The following FMN1 variants were observed in gnomAD, a reference collection of about 807,000 sequenced individuals.
The protein encoded by FMN1 is formin 1.
A neutral mutation model predicts 132.4 loss-of-function variants in FMN1; 110 were observed. The observed-to-expected ratio is 0.83, with a 90% confidence interval of 0.71 to 0.97. FMN1 has a LOEUF of 0.97. FMN1 is among the 50% of genes least tolerant of loss of function. The probability of loss-of-function intolerance (pLI) is 0.00; values close to 1 mark genes in which losing one functional copy is unlikely to be tolerated. For missense variants in FMN1, 1,792 were observed against 1,705.3 expected (o/e 1.05, Z -0.90); for synonymous variants, 722 against 651.7 (o/e 1.11, Z -1.64).
chr15:33,018,947 G>C lies in FMN1; in HGVS notation c.2162-10872C>G, dbSNP rs1053814895. 3.9e-5 allele frequency among the ~76,000 whole-genome samples: 6 copies of C among 152,306 alleles called. No individual in the cohort carries two copies. The East Asian group carries it at 1.2e-3, about 29-fold the overall frequency. On this transcript the variant is annotated intron_variant, in intron 6 of 20. Coordinates refer to ENST00000616417, the MANE Select transcript of FMN1 (RefSeq NM_001277313.2). ...GCAGACCTTCCTGGTGAGTGTTACA[G>C]CTCATAAAGACAATGTGGGCCCAAA...
intron 4 of FMN1, among the ~76,000 whole-genome samples, chr15:33,105,109 G>A (rs1258369224): frequency 1.3e-5 from 2 of 152,040 alleles, no homozygotes; most frequent in African/African-American, 4.8e-5. Flanking sequence ...AAGAGGGAAT[G>A]AGCAACCAAA....
At chr15:33,082,914 G>A (rs1327754338) in intron 5 of FMN1, among the ~76,000 whole-genome samples, 1 of 152,106 alleles carries the variant, frequency 6.6e-6, no homozygotes, top group African/African-American at 2.4e-5. Flanking sequence ...ATATAGGCAT[G>A]TCCCATACAA....
At chr15:33,012,868 A>C (rs2034810389) in intron 6 of FMN1, 4 of 596,688 alleles carry the variant, frequency 6.7e-6, no homozygotes, top group Non-Finnish European at 9.6e-6. Flanking sequence ...TAATGATGGG[A>C]GCAACACTGG....
intron 17 of FMN1, among the ~76,000 whole-genome samples, chr15:32,823,167 T>TGTTTTG (rs1209103561): frequency 4.4e-5 from 3 of 68,820 alleles, no homozygotes; most frequent in Admixed American, 1.4e-4. Context: ...TTTTTTTTTT[T>TGTTTTG]TTTTTTTTTT....
intron 12 of FMN1, among the ~76,000 whole-genome samples, chr15:32,906,402 GT>G (rs2060425704): frequency 6.6e-6 from 1 of 152,228 alleles, no homozygotes; most frequent in Non-Finnish European, 1.5e-5. Context: ...TAAGTAAAAT[GT>G]CATTGGGGCA....
Position 33,053,674 on chromosome 15 carries a change from T to TC in FMN1, c.2161+11282_2161+11283insG, listed in dbSNP as rs1555389993. ...ATTTCCTGGAAAAGACTCACAGACC[T>TC]AAAAAAAAAATGCTGTCTGTATTGT... On this transcript the variant is annotated intron_variant, in intron 6 of 20. Coordinates refer to ENST00000616417, the MANE Select transcript of FMN1 (RefSeq NM_001277313.2). 2.8e-3 allele frequency among the ~76,000 whole-genome samples: 427 copies of TC among 150,064 alleles called. 1 individual carries two copies. The highest frequency in any genetic ancestry group is 7.4e-3 in the African/African-American group (304 of 40,892).
At chr15:33,119,154 T>C (rs868327174) in intron 4 of FMN1, among the ~76,000 whole-genome samples, 2 of 152,190 alleles carry the variant, frequency 1.3e-5, no homozygotes, top group Non-Finnish European at 1.5e-5. Flanking sequence ...GAAACTTCTA[T>C]TCTGATGATC....
At chr15:33,101,072 T>C (rs1383933709) in intron 4 of FMN1, among the ~76,000 whole-genome samples, 2 of 152,082 alleles carry the variant, frequency 1.3e-5, no homozygotes, top group African/African-American at 4.8e-5. Context: ...TAAATTTCAT[T>C]TAGAAAATGA....
intron 5 of FMN1, among the ~76,000 whole-genome samples, chr15:33,076,368 G>A (rs1032195598): frequency 1.3e-5 from 2 of 152,074 alleles, no homozygotes; most frequent in Non-Finnish European, 1.5e-5. Flanking sequence ...GCAGTAAAGC[G>A]AGGCACTTCA....
At chr15:33,130,581 T>C (rs1963498840) in intron 4 of FMN1, among the ~76,000 whole-genome samples, 1 of 152,208 alleles carries the variant, frequency 6.6e-6, no homozygotes, top group Admixed American at 6.5e-5. Flanking sequence ...AATGCTGTGA[T>C]ATAAGGCAAT....
intron 5 of FMN1, among the ~76,000 whole-genome samples, chr15:33,070,488 C>A (rs1411340577): frequency 6.7e-6 from 1 of 150,222 alleles, no homozygotes; most frequent in Non-Finnish European, 1.5e-5. Flanking sequence ...TAGATTTGGG[C>A]AAAATGGAAC....
At chr15:33,065,309 A>AT (rs1480524029) in intron 5 of FMN1, among the ~76,000 whole-genome samples, 2 of 152,220 alleles carry the variant, frequency 1.3e-5, no homozygotes, top group Non-Finnish European at 2.9e-5. Flanking sequence ...GGCTAAGTAT[A>AT]TATCACACAA....
intron 9 of FMN1, 88 bp from the exon 10 acceptor site, chr15:32,926,349 AGATACACTGATT>A (rs2140353938): frequency 2.9e-6 from 2 of 680,786 alleles, no homozygotes; most frequent in African/African-American, 3.7e-5. Context: ...AAATTTTTTT[AGATACACTGATT>A]GATGAACTAA....
At chr15:33,087,826 T>C (rs1408548464) in intron 5 of FMN1, among the ~76,000 whole-genome samples, 1 of 152,016 alleles carries the variant, frequency 6.6e-6, no homozygotes. Context: ...TATATATACA[T>C]ATATACATAT....
intron 17 of FMN1, among the ~76,000 whole-genome samples, chr15:32,823,193 G>T: frequency 9.0e-6 from 1 of 111,054 alleles, no homozygotes; most frequent in Non-Finnish European, 1.7e-5. Flanking sequence ...ACAGAGTCTT[G>T]CTCTATCACC....
chr15:32,888,463 T>C (rs895764307), intron 15 of FMN1, among the ~76,000 whole-genome samples, 171 bp from the exon 16 acceptor site: 2 of 152,240 alleles, frequency 1.3e-5, no homozygotes, highest in African/African-American at 2.4e-5. Flanking sequence ...TTGAAGTGCT[T>C]TCTTGTCTTT....
At chr15:32,969,608 A>T in intron 7 of FMN1, 131 bp from the exon 8 acceptor site, 1 of 1,078,540 alleles carries the variant, frequency 9.3e-7, no homozygotes, top group Middle Eastern at 2.3e-4. Context: ...ATACAGAGAC[A>T]TTCTTTTAAG....
At chr15:33,022,247 T>G (rs2035452226) in intron 6 of FMN1, among the ~76,000 whole-genome samples, 2 of 152,204 alleles carry the variant, frequency 1.3e-5, no homozygotes, top group South Asian at 4.1e-4. Context: ...CTAGTTGGAT[T>G]TGCAAATGCA....
At chr15:32,949,965 A>ATATATTAAAAAGCTCAACTT (rs2061596094) in intron 9 of FMN1, among the ~76,000 whole-genome samples, 1 of 32,532 alleles carries the variant, frequency 3.1e-5, no homozygotes, top group African/African-American at 1.9e-4. Context: ...ATATATATAT[A>ATATATTAAAAAGCTCAACTT]CACACATATA....
Sources: gnomAD v4.1 joint callset for allele counts (sites outside exome capture counted in the v4.1 genomes callset) on GRCh38, gnomAD v4.1.1 for gene constraint, MANE v1.5 for transcripts, NCBI Gene and HGNC (gene_info 2026-07-23, HGNC 2026-07-21) for gene names.